CAPN8: variants seen among roughly 807,000 people sequenced by gnomAD.
The protein encoded by CAPN8 is calpain-8.
CAPN8 carries 87 observed loss-of-function variants against 80.9 expected under a neutral mutation model. That is an observed-to-expected ratio of 1.07 (90% CI 0.90 to 1.28). CAPN8 has a LOEUF of 1.28. Among genes scored for constraint, CAPN8 ranks in the 50% most tolerant of loss-of-function variants. The pLI is 0.00. For synonymous variants in CAPN8, 299 were observed against 273.8 expected, an observed-to-expected ratio of 1.09 and a Z score of -0.91; for missense variants, 757 against 702.0, an observed-to-expected ratio of 1.08 and a Z score of -0.89.
chr1:223,657,206 C>T (rs1005303430), intron 1 of CAPN8, among the ~76,000 whole-genome samples: 3 of 152,078 alleles, frequency 2.0e-5, no homozygotes, highest in African/African-American at 7.2e-5. Context: ...AGAAAAGTGG[C>T]ACCAGCCAAT....
intron 1 of CAPN8, among the ~76,000 whole-genome samples, chr1:223,659,906 C>T (rs1193169518): frequency 6.6e-6 from 1 of 152,192 alleles, no homozygotes; most frequent in Non-Finnish European, 1.5e-5. Context: ...CTCTTAACCA[C>T]TCTGTGGCCT....
At chr1:223,543,917 C>A (rs1656542094) in intron 19 of CAPN8, 150 bp downstream of exon 19, 1 of 610,408 alleles carries the variant, frequency 1.6e-6, no homozygotes, top group Non-Finnish European at 3.0e-6. Flanking sequence ...CCCTCGCCCC[C>A]AAGGTGCCAG....
Position 223,543,107 on chromosome 1 carries a change from C to T in CAPN8, c.2088+1G>A. 6.4e-7 allele frequency: 1 copy of T among 1,551,604 alleles called. No homozygotes were observed. Among genetic ancestry groups the T allele is most frequent in the Non-Finnish European group, 8.7e-7 (1 of 1,146,956 alleles). On this transcript the variant is annotated splice_donor_variant, in intron 20 of 20. Transcript: ENST00000366872. LOFTEE classifies it high-confidence loss of function. Reference sequence around the variant, plus strand: ...AATTCATCAAACCTCAGGACATTCACCTCGGCCAGAGAGAGCTGAACCATG... The same window carrying T: ...AATTCATCAAACCTCAGGACATTCATCTCGGCCAGAGAGAGCTGAACCATG...
At chr1:223,628,904 T>A in intron 2 of CAPN8, 124 bp from the exon 3 acceptor site, 1 of 709,218 alleles carries the variant, frequency 1.4e-6, no homozygotes. Flanking sequence ...TCAGGTAGAG[T>A]TTCCTCCTCC....
chr1:223,654,452 C>A (rs778877759), intron 1 of CAPN8, 53 bp from the exon 2 acceptor site: 7 of 1,487,962 alleles, frequency 4.7e-6, no homozygotes, highest in East Asian at 2.5e-5. Flanking sequence ...GTGATGGCAG[C>A]AGCCTGGGGA....
rs915195790 is a variant in CAPN8 at position 223,654,463 on chromosome 1, A to C, written c.238-64T>G. ...CTCAGTGATGGCAGCAGCCTGGGGA[A>C]AGGAACATCAGAGTCCCAGGTTGCA... is the stretch of plus-strand genomic sequence containing the variant. On this transcript the variant is annotated intron_variant, in intron 1 of 20. Coordinates refer to ENST00000366872, the MANE Select transcript of CAPN8 (RefSeq NM_001143962.2). The C allele has an allele frequency of 1.1e-5, 16 of 1,421,198 alleles. No homozygotes were observed. The African/African-American group carries it at 2.3e-4, about 20-fold the overall frequency. The allele number at this position is 1,421,198 out of a possible 1,614,324, so 88.0% of individuals were successfully genotyped here. A position where few individuals can be genotyped will look rare whatever the true frequency, so the allele number is the denominator to read the frequency against.
At chr1:223,651,956 C>A (rs1348124118) in intron 2 of CAPN8, among the ~76,000 whole-genome samples, 1 of 152,184 alleles carries the variant, frequency 6.6e-6, no homozygotes, top group African/African-American at 2.4e-5. Flanking sequence ...CGCATGGCTG[C>A]AAGGCAGTGA....
chr1:223,548,595 T>G (rs377064994), intron 16 of CAPN8, among the ~76,000 whole-genome samples: 13 of 152,178 alleles, frequency 8.5e-5, no homozygotes, highest in African/African-American at 3.1e-4. Flanking sequence ...CATGTGAAGT[T>G]ATAGCAAGAA....
chr1:223,627,803 C>T lies in CAPN8; in HGVS notation c.560+206G>A, dbSNP rs138317427. 2.2e-3 allele frequency among the ~76,000 whole-genome samples: 336 copies of T among 152,318 alleles called. 1 individual carries two copies. The highest frequency in any genetic ancestry group is 3.8e-3 in the Non-Finnish European group (259 of 68,028). On this transcript the variant is annotated intron_variant, in intron 4 of 20. Coordinates refer to ENST00000366872, the MANE Select transcript of CAPN8 (RefSeq NM_001143962.2). ...CCACCACATACACATTCACCCGAGG[C>T]AGAGCTGAGATGCTAAACTCCCCGC...
chr1:223,657,628 G>T (rs967233274), intron 1 of CAPN8, among the ~76,000 whole-genome samples: 1 of 152,098 alleles, frequency 6.6e-6, no homozygotes, highest in East Asian at 1.9e-4. Flanking sequence ...TTAGCCAGGC[G>T]TGGTGGTGAG....
chr1:223,661,585 G>A (rs1026949155), intron 1 of CAPN8, among the ~76,000 whole-genome samples: 8 of 152,114 alleles, frequency 5.3e-5, no homozygotes, highest in Non-Finnish European at 4.4e-5. Flanking sequence ...AGCCGAATTC[G>A]CACCATTGTA....
rs745995244 is a variant in CAPN8 at position 223,549,481 on chromosome 1, G to C, written c.1700-99C>G. 3.3e-6 allele frequency: 5 copies of C among 1,526,602 alleles called. No homozygotes were observed. In the South Asian group the frequency reaches 3.6e-5, roughly 11 times the overall value. 94.6% of individuals were successfully genotyped at this position (1,526,602 alleles called of 1,614,324 possible). On this transcript the variant is annotated intron_variant, in intron 15 of 20. Coordinates refer to ENST00000366872, the MANE Select transcript of CAPN8 (RefSeq NM_001143962.2). ...AGACCTCCAAAGATACCATCCAAGG[G>C]TGTGGAACCGAACTTGGTCTCTGCC...
intron 6 of CAPN8, among the ~76,000 whole-genome samples, chr1:223,624,186 C>T (rs1657493946): frequency 6.6e-6 from 1 of 152,178 alleles, no homozygotes; most frequent in Admixed American, 6.5e-5. Flanking sequence ...AAGCGATCCT[C>T]CCACCTCAGC....
chr1:223,651,113 CA>C (rs1658332766), intron 2 of CAPN8, among the ~76,000 whole-genome samples: 1 of 152,022 alleles, frequency 6.6e-6, no homozygotes, highest in South Asian at 2.1e-4. Context: ...TCCAGTAGGA[CA>C]CTGAGTGTGG....
At chr1:223,623,341 G>A (rs564246144) in intron 6 of CAPN8, among the ~76,000 whole-genome samples, 19 of 152,214 alleles carry the variant, frequency 1.2e-4, no homozygotes, top group Admixed American at 3.9e-4. Context: ...TAACACTCAC[G>A]ACAATCCTGA....
chr1:223,553,088 G>T (rs988682063), intron 14 of CAPN8, among the ~76,000 whole-genome samples: 3 of 132,294 alleles, frequency 2.3e-5, no homozygotes, highest in Admixed American at 7.3e-5. Context: ...CCGGGGTGGT[G>T]GGGGGAGACC....
rs372127955 is a variant in CAPN8, at chr1:223,626,993, A to G, written c.725T>C (p.Ile242Thr). ...LCAGSLLGCSIDVSSAAEAEA... is the reference protein window; with the variant it reads ...LCAGSLLGCSTDVSSAAEAEA... ...TAGAGAAGCCATATGCCTCACATCA[A>G]TGGAGCAGCCCAGCAGAGACCCCGC... Residue 242 changes from isoleucine (I) to threonine (T), a missense_variant, in exon 5 of 21, where the codon ATT becomes ACT. Physicochemically the swap from Ile to Thr is moderately conservative, Grantham distance 89. Transcript: ENST00000366872. The G allele has an allele frequency of 7.7e-5, 120 of 1,551,142 alleles. 1 individual carries two copies. Among genetic ancestry groups the G allele is most frequent in the East Asian group, 2.9e-4 (12 of 40,922 alleles).
chr1:223,627,124 A>G lies in CAPN8; in HGVS notation c.594T>C (p.Gly198=), dbSNP rs1278418797. 2 of 1,552,248 alleles carry G rather than the reference A, an allele frequency of 1.3e-6. No individual in the cohort carries two copies. Among genetic ancestry groups the G allele is most frequent in the African/African-American group, 2.7e-5 (2 of 73,046 alleles). The change falls in exon 5 of 21, where the codon GGT becomes GGC. Residue 198 remains glycine, a synonymous_variant. Coordinates refer to ENST00000366872, the MANE Select transcript of CAPN8 (RefSeq NM_001143962.2). The part of the protein sequence containing the change: ...LNGCYEALAG[G]STVEGFEDFT... ...AATCCTCAAACCCCTCCACTGTGGA[A>G]CCTCCAGCGAGAGCCTCATAACAAC... is the stretch of plus-strand genomic sequence containing the variant.
intron 2 of CAPN8, among the ~76,000 whole-genome samples, chr1:223,633,716 C>T (rs1657838388): frequency 6.6e-6 from 1 of 152,140 alleles, no homozygotes; most frequent in Non-Finnish European, 1.5e-5. Context: ...CTGAATCAGA[C>T]ATTGTTAAAA....
Sources: gnomAD v4.1 joint callset for allele counts (sites outside exome capture counted in the v4.1 genomes callset) on GRCh38, gnomAD v4.1.1 for gene constraint, MANE v1.5 for transcripts, NCBI Gene and HGNC (gene_info 2026-07-23, HGNC 2026-07-21) for gene names.